PCCA: variants seen among roughly 807,000 people sequenced by gnomAD.
The protein encoded by PCCA is propionyl-CoA carboxylase subunit alpha.
Under a neutral mutation model 101.3 loss-of-function variants are expected in PCCA, and 74 were observed. That is an observed-to-expected ratio of 0.73 (90% CI 0.61 to 0.89). The LOEUF is 0.89. Ranked by LOEUF, PCCA falls within the 40% of genes least tolerant of loss-of-function variation. The pLI, the probability that PCCA is intolerant of heterozygous loss-of-function variation, is 0.00. For synonymous variants in PCCA, 294 were observed against 313.6 expected (o/e 0.94, Z 0.66); for missense variants, 891 against 907.0 (o/e 0.98, Z 0.23).
rs545537296 is a variant in PCCA at position 100,236,222 on chromosome 13, T to A, written c.637+344T>A. 2.0e-5 allele frequency among the ~76,000 whole-genome samples: 3 copies of A among 152,344 alleles called. No homozygotes were observed. In the South Asian group the frequency reaches 6.2e-4, roughly 32 times the overall value. On this transcript the variant is annotated intron_variant, in intron 8 of 23. Transcript: ENST00000376285. ...GTGGTTTGTTAAAATTAAGAACATTTGGATTAAAATGAAGATACCATATGT... is the reference window on the plus strand; with the variant it reads ...GTGGTTTGTTAAAATTAAGAACATTAGGATTAAAATGAAGATACCATATGT...
intron 22 of PCCA, among the ~76,000 whole-genome samples, chr13:100,515,864 T>A (rs1209157130): frequency 6.6e-6 from 1 of 152,274 alleles, no homozygotes; most frequent in African/African-American, 2.4e-5. Context: ...TTAAAAGTGC[T>A]GCTTACTCTC....
intron 6 of PCCA, among the ~76,000 whole-genome samples, chr13:100,160,490 G>C (rs1325230683): frequency 6.8e-6 from 1 of 147,530 alleles, no homozygotes; most frequent in Admixed American, 6.9e-5. Context: ...GCAACAGAGC[G>C]AGACTCTGTC....
intron 21 of PCCA, among the ~76,000 whole-genome samples, chr13:100,488,803 C>G (rs1033173834): frequency 6.6e-6 from 1 of 152,048 alleles, no homozygotes; most frequent in Non-Finnish European, 1.5e-5. Flanking sequence ...GAGACCCTCC[C>G]TCACAAATAA....
intron 8 of PCCA, among the ~76,000 whole-genome samples, chr13:100,255,833 T>C (rs1396812874): frequency 1.3e-5 from 2 of 152,178 alleles, no homozygotes; most frequent in African/African-American, 4.8e-5. Flanking sequence ...TCTTCTATGC[T>C]TTGTCCCCAT....
At chr13:100,413,815 G>A (rs1276029955) in intron 19 of PCCA, among the ~76,000 whole-genome samples, 1 of 152,160 alleles carries the variant, frequency 6.6e-6, no homozygotes, top group East Asian at 1.9e-4. Flanking sequence ...GTAGGGGAGC[G>A]AAAGGCAGTT....
intron 21 of PCCA, among the ~76,000 whole-genome samples, chr13:100,460,261 C>T (rs2082081341): frequency 6.6e-6 from 1 of 152,194 alleles, no homozygotes; most frequent in African/African-American, 2.4e-5. Context: ...CTTACTTGAA[C>T]TGTGCTTCAC....
intron 21 of PCCA, among the ~76,000 whole-genome samples, chr13:100,471,057 A>G (rs1296468657): frequency 6.6e-6 from 1 of 152,084 alleles, no homozygotes; most frequent in Non-Finnish European, 1.5e-5. Context: ...AAGCTTAATC[A>G]TTTCTAGCTT....
At position 100,429,427 on chromosome 13, in the gene PCCA, G is replaced by T. The variant is rs545633085; in HGVS notation, c.1845+3696G>T. Among the ~76,000 whole-genome samples the T allele has an allele frequency of 1.3e-3, 194 of 151,958 alleles. 1 individual carries two copies. Among genetic ancestry groups the T allele is most frequent in the Non-Finnish European group, 2.3e-3 (159 of 67,980 alleles). The stretch of plus-strand genomic sequence containing the variant: ...CAGTAATCACTTGAAATTGATTACT[G>T]TAGTAATTGATTACTATAGTAACTG... On this transcript the variant is annotated intron_variant, in intron 20 of 23. Transcript: ENST00000376285.
intron 8 of PCCA, among the ~76,000 whole-genome samples, chr13:100,249,951 G>T (rs181127961): frequency 6.6e-6 from 1 of 152,186 alleles, no homozygotes; most frequent in African/African-American, 2.4e-5. Flanking sequence ...TCAGTTCCAA[G>T]AATTTTGTTG....
At chr13:100,262,198 T>G (rs1304376502) in intron 9 of PCCA, among the ~76,000 whole-genome samples, 2 of 151,832 alleles carry the variant, frequency 1.3e-5, no homozygotes, top group Non-Finnish European at 2.9e-5. Context: ...TTCAAGACCA[T>G]CCTGGCCAAC....
intron 19 of PCCA, among the ~76,000 whole-genome samples, chr13:100,420,941 T>C (rs1229848644): frequency 6.6e-6 from 1 of 152,162 alleles, no homozygotes; most frequent in African/African-American, 2.4e-5. Flanking sequence ...ATGTAGTGGC[T>C]CATGCCTGTA....
chr13:100,358,318 G>A (rs565772421), intron 18 of PCCA, among the ~76,000 whole-genome samples: 20 of 152,212 alleles, frequency 1.3e-4, no homozygotes, highest in African/African-American at 3.1e-4. Flanking sequence ...CCACAATACA[G>A]TTTACTTGGC....
intron 19 of PCCA, among the ~76,000 whole-genome samples, chr13:100,419,350 T>A (rs1430874818): frequency 6.6e-6 from 1 of 151,804 alleles, no homozygotes; most frequent in Non-Finnish European, 1.5e-5. Flanking sequence ...TGGGCGCCTG[T>A]AATCCCAGCT....
chr13:100,357,017 A>G (rs1304064511), intron 18 of PCCA, among the ~76,000 whole-genome samples: 1 of 152,228 alleles, frequency 6.6e-6, no homozygotes, highest in African/African-American at 2.4e-5. Context: ...AATCGAAAGT[A>G]CATAACAGTT....
At chr13:100,220,675 TC>T (rs1487710685) in intron 7 of PCCA, among the ~76,000 whole-genome samples, 1 of 152,182 alleles carries the variant, frequency 6.6e-6, no homozygotes, top group East Asian at 1.9e-4. Flanking sequence ...TATTTCCCTC[TC>T]CTTGCTCCCC....
intron 21 of PCCA, among the ~76,000 whole-genome samples, chr13:100,500,156 G>A (rs907575916): frequency 2.6e-5 from 4 of 152,090 alleles, no homozygotes; most frequent in African/African-American, 7.2e-5. Flanking sequence ...AGATTGAGGC[G>A]ATCAGTGTTA....
intron 12 of PCCA, among the ~76,000 whole-genome samples, chr13:100,281,780 T>C (rs907412879): frequency 2.6e-5 from 4 of 152,212 alleles, no homozygotes; most frequent in African/African-American, 9.7e-5. Context: ...TAACCTGTCA[T>C]AGGGATGTAA....
At chr13:100,097,095 A>G (rs1457965514) in intron 1 of PCCA, among the ~76,000 whole-genome samples, 1 of 152,226 alleles carries the variant, frequency 6.6e-6, no homozygotes, top group Non-Finnish European at 1.5e-5. Flanking sequence ...TCTGTAAGGT[A>G]TGTACAAACA....
At chr13:100,154,337 A>G (rs1347402600) in intron 4 of PCCA, among the ~76,000 whole-genome samples, 2 of 152,242 alleles carry the variant, frequency 1.3e-5, no homozygotes, top group African/African-American at 4.8e-5. Flanking sequence ...TGGAGCATAC[A>G]TTCCTGAATT....
Sources: allele counts gnomAD v4.1 joint callset (sites outside exome capture counted in the v4.1 genomes callset), GRCh38; gene constraint gnomAD v4.1.1; transcripts MANE v1.5; gene names NCBI Gene and HGNC (gene_info 2026-07-23, HGNC 2026-07-21).